IMMP2L: variants seen among roughly 807,000 people sequenced by gnomAD.
The protein encoded by IMMP2L is mitochondrial inner membrane protease subunit 2.
Under a neutral mutation model 19.3 loss-of-function variants are expected in IMMP2L, and 18 were observed. The ratio of observed to expected loss-of-function variants is 0.93; its 90% CI spans 0.64 to 1.38. IMMP2L has a LOEUF of 1.38. Among genes scored for constraint, IMMP2L ranks in the 40% most tolerant of loss-of-function variants. The probability of loss-of-function intolerance (pLI) is 0.00; values close to 1 mark genes in which losing one functional copy is unlikely to be tolerated. For missense variants in IMMP2L, 233 were observed against 218.2 expected (o/e 1.07, Z -0.43); for synonymous variants, 76 against 73.0 (o/e 1.04, Z -0.21).
chr7:110,807,244 C>T (rs1801694834), intron 5 of IMMP2L, among the ~76,000 whole-genome samples: 1 of 152,002 alleles, frequency 6.6e-6, no homozygotes, highest in Non-Finnish European at 1.5e-5. Flanking sequence ...ATGGAGTCTA[C>T]CCCATTTTAA....
rs1834438441 is a variant in IMMP2L, at chr7:111,411,604, G to T, written c.239+75634C>A. ...ATTTAGACATCGAGGACTTCACTAT[G>T]GATCGGGAAGTGCACAAAATCAACC... On this transcript the variant is annotated intron_variant, in intron 3 of 5. Coordinates refer to ENST00000405709, the MANE Select transcript of IMMP2L (RefSeq NM_032549.4). 6 of 289,292 alleles carry T rather than the reference G, an allele frequency of 2.1e-5. No homozygotes were observed. The Admixed American group carries it at 2.2e-4, about 11-fold the overall frequency. The allele number at this position is 289,292 out of a possible 1,614,324, so 17.9% of individuals were successfully genotyped here.
At chr7:110,910,590 CAT>C (rs1327576334) in intron 4 of IMMP2L, among the ~76,000 whole-genome samples, 1 of 152,128 alleles carries the variant, frequency 6.6e-6, no homozygotes, top group Non-Finnish European at 1.5e-5. Flanking sequence ...CATATTATTA[CAT>C]GTTAGTCACT....
intron 2 of IMMP2L, among the ~76,000 whole-genome samples, chr7:111,490,537 A>C (rs1843007900): frequency 6.6e-6 from 1 of 151,868 alleles, no homozygotes; most frequent in South Asian, 2.1e-4. Context: ...TTTTAATCAT[A>C]ATGTCTTCTA....
intron 5 of IMMP2L, among the ~76,000 whole-genome samples, chr7:110,738,106 G>T (rs1455727068): frequency 6.6e-6 from 1 of 152,152 alleles, no homozygotes; most frequent in African/African-American, 2.4e-5. Flanking sequence ...ACCCAAATGA[G>T]AAGAAAGCAG....
intron 3 of IMMP2L, among the ~76,000 whole-genome samples, chr7:111,119,228 T>C (rs1399781116): frequency 6.6e-6 from 1 of 152,206 alleles, no homozygotes; most frequent in Non-Finnish European, 1.5e-5. Flanking sequence ...ACTTTGTACC[T>C]AGGTTTTTCC....
At chr7:111,233,704 T>G (rs1813967272) in intron 3 of IMMP2L, among the ~76,000 whole-genome samples, 1 of 152,080 alleles carries the variant, frequency 6.6e-6, no homozygotes, top group Non-Finnish European at 1.5e-5. Context: ...TTATTGGTAT[T>G]TAGTGCCAGC....
chr7:111,092,014 G>A (rs1252386468), intron 3 of IMMP2L, among the ~76,000 whole-genome samples: 1 of 152,134 alleles, frequency 6.6e-6, no homozygotes, highest in Non-Finnish European at 1.5e-5. Context: ...TTTTTATTTT[G>A]TCTCATCCAG....
At chr7:110,844,009 T>C (rs1805381042) in intron 5 of IMMP2L, among the ~76,000 whole-genome samples, 1 of 152,104 alleles carries the variant, frequency 6.6e-6, no homozygotes, top group African/African-American at 2.4e-5. Context: ...AGGATCTAAG[T>C]GAAGCCTGGA....
chr7:111,408,736 A>G (rs752846993), intron 3 of IMMP2L, among the ~76,000 whole-genome samples: 1 of 151,832 alleles, frequency 6.6e-6, no homozygotes, highest in Non-Finnish European at 1.5e-5. Context: ...CCTAGAAAAG[A>G]CAGCTGATAA....
intron 3 of IMMP2L, among the ~76,000 whole-genome samples, chr7:110,973,477 CA>C (rs886889405): frequency 2.5e-4 from 38 of 152,002 alleles, no homozygotes; most frequent in African/African-American, 8.9e-4. Context: ...ACACAGTCAG[CA>C]ATAACTATAA....
intron 3 of IMMP2L, among the ~76,000 whole-genome samples, chr7:111,307,195 A>T (rs932830784): frequency 1.3e-5 from 2 of 151,702 alleles, no homozygotes; most frequent in Non-Finnish European, 2.9e-5. Context: ...TTATTGATAT[A>T]TTCCAGAATT....
intron 4 of IMMP2L, among the ~76,000 whole-genome samples, chr7:110,888,998 A>G (rs925491991): frequency 2.0e-5 from 3 of 152,238 alleles, no homozygotes; most frequent in African/African-American, 7.2e-5. Flanking sequence ...TGGGAAGTAC[A>G]TAGGTTCTGG....
In IMMP2L at chr7:111,101,325, G is replaced by A. The variant is rs896048866; in HGVS notation, c.240-137760C>T. ...ACAGAACCTTGGCATACTGATAAGCGATAATGTCTATAAGATACAACAAGC... is the reference window on the plus strand; with the variant it reads ...ACAGAACCTTGGCATACTGATAAGCAATAATGTCTATAAGATACAACAAGC... On this transcript the variant is annotated intron_variant, in intron 3 of 5. Transcript: ENST00000405709. Among the ~76,000 whole-genome samples the A allele has an allele frequency of 1.1e-4, 16 of 151,320 alleles. 1 individual carries two copies. The highest frequency in any genetic ancestry group is 1.8e-4 in the Non-Finnish European group (12 of 67,590).
At chr7:111,074,482 C>A (rs116951503) in intron 3 of IMMP2L, among the ~76,000 whole-genome samples, 21 of 152,336 alleles carry the variant, frequency 1.4e-4, no homozygotes, top group Non-Finnish European at 2.9e-4. Flanking sequence ...AATACATGGG[C>A]ACATGATGCA....
At chr7:110,719,422 C>T (rs1795433743) in intron 5 of IMMP2L, among the ~76,000 whole-genome samples, 1 of 151,870 alleles carries the variant, frequency 6.6e-6, no homozygotes, top group African/African-American at 2.4e-5. Context: ...CCAAGGGTAC[C>T]ATAGAAAATT....
intron 3 of IMMP2L, among the ~76,000 whole-genome samples, chr7:111,454,162 T>C (rs1415646487): frequency 6.6e-6 from 1 of 152,132 alleles, no homozygotes; most frequent in Non-Finnish European, 1.5e-5. Context: ...AGATGGGGTC[T>C]TGCTTTGTCA....
At chr7:110,908,522 T>C (rs1024367103) in intron 4 of IMMP2L, among the ~76,000 whole-genome samples, 2 of 152,180 alleles carry the variant, frequency 1.3e-5, no homozygotes, top group African/African-American at 2.4e-5. Flanking sequence ...GAAGTGGGTA[T>C]ATAATGATAC....
chr7:110,849,293 G>C lies in IMMP2L; in HGVS notation c.408+37300C>G, dbSNP rs191894953. On this transcript the variant is annotated intron_variant, in intron 5 of 5. Transcript: ENST00000405709. Reference sequence around the variant, plus strand: ...AGTGTACATATCTATCTGATTTTTTGATAAAGAGTAACTTACAAGAAATGA... The same window carrying C: ...AGTGTACATATCTATCTGATTTTTTCATAAAGAGTAACTTACAAGAAATGA... 1.0e-3 allele frequency among the ~76,000 whole-genome samples: 157 copies of C among 152,056 alleles called. 1 individual carries two copies. The highest frequency in any genetic ancestry group is 3.6e-3 in the African/African-American group (150 of 41,514).
chr7:111,170,931 T>C (rs1806367935), intron 3 of IMMP2L, among the ~76,000 whole-genome samples: 1 of 151,730 alleles, frequency 6.6e-6, no homozygotes, highest in Non-Finnish European at 1.5e-5. Flanking sequence ...AACAGAAATA[T>C]GAGGCTTGAG....
Sources: gnomAD v4.1 joint callset for allele counts (sites outside exome capture counted in the v4.1 genomes callset) on GRCh38, gnomAD v4.1.1 for gene constraint, MANE v1.5 for transcripts, NCBI Gene and HGNC (gene_info 2026-07-23, HGNC 2026-07-21) for gene names.